Variants in NRXN3 observed in about 807,000 individuals in gnomAD.
NRXN3 encodes the protein neurexin III.
A neutral mutation model predicts 137.6 loss-of-function variants in NRXN3; 32 were observed. The ratio of observed to expected loss-of-function variants is 0.23; its 90% CI spans 0.18 to 0.31. NRXN3 has a LOEUF of 0.31. Among genes scored for constraint, NRXN3 ranks in the 10% least tolerant of loss-of-function variants. The pLI is 1.00. For synonymous variants in NRXN3, 798 were observed against 784.5 expected, an observed-to-expected ratio of 1.02 and a Z score of -0.29; for missense variants, 1,574 against 2,062.5, an observed-to-expected ratio of 0.76 and a Z score of 4.59.
chr14:79,822,669 A>G (rs553111466), intron 20 of NRXN3, among the ~76,000 whole-genome samples: 7 of 152,318 alleles, frequency 4.6e-5, no homozygotes, highest in African/African-American at 1.7e-4. Flanking sequence ...GTGAACTAAT[A>G]ATGATGATGT....
chr14:79,598,851 T>G (rs1011897951), intron 16 of NRXN3, among the ~76,000 whole-genome samples: 1 of 152,114 alleles, frequency 6.6e-6, no homozygotes, highest in East Asian at 1.9e-4. Flanking sequence ...TTTGACCAGA[T>G]TATCAAATGC....
chr14:79,560,423 G>A (rs1438515544), intron 16 of NRXN3, among the ~76,000 whole-genome samples: 1 of 151,574 alleles, frequency 6.6e-6, no homozygotes, highest in East Asian at 1.9e-4. Flanking sequence ...ACAGCACTGG[G>A]GGTGGGAGGA....
intron 4 of NRXN3, among the ~76,000 whole-genome samples, chr14:78,575,899 C>T (rs2152333745): frequency 6.6e-6 from 1 of 152,216 alleles, no homozygotes; most frequent in African/African-American, 2.4e-5. Context: ...TGACTTTGTA[C>T]CCCAATTAAC....
intron 15 of NRXN3, among the ~76,000 whole-genome samples, chr14:79,066,045 G>A (rs375881655): frequency 1.8e-4 from 27 of 152,194 alleles, no homozygotes; most frequent in Non-Finnish European, 2.5e-4. Context: ...TGCTTTTGGC[G>A]TTTTTGTCAT....
chr14:79,645,218 C>G (rs2098448132), intron 16 of NRXN3, among the ~76,000 whole-genome samples: 2 of 135,004 alleles, frequency 1.5e-5, no homozygotes, highest in Admixed American at 1.6e-4. Context: ...GTTGGATTTC[C>G]TGTATTCCAT....
chr14:79,719,327 GTATA>G (rs758232127), intron 19 of NRXN3, among the ~76,000 whole-genome samples: 2 of 127,546 alleles, frequency 1.6e-5, no homozygotes, highest in African/African-American at 5.4e-5. Flanking sequence ...ACACGCGTGT[GTATA>G]TATATGTATA....
chr14:78,417,270 T>C (rs2093192732), intron 4 of NRXN3, among the ~76,000 whole-genome samples: 1 of 152,190 alleles, frequency 6.6e-6, no homozygotes, highest in Admixed American at 6.5e-5. Context: ...GCTACCTACA[T>C]ACCGTGATTC....
chr14:79,263,134 A>G (rs1203097702), intron 15 of NRXN3, among the ~76,000 whole-genome samples: 1 of 152,216 alleles, frequency 6.6e-6, no homozygotes, highest in East Asian at 1.9e-4. Flanking sequence ...TAAGATTTAT[A>G]GCAACTTCAA....
chr14:78,384,991 C>T (rs901073942), intron 4 of NRXN3, among the ~76,000 whole-genome samples: 1 of 152,094 alleles, frequency 6.6e-6, no homozygotes, highest in Non-Finnish European at 1.5e-5. Context: ...GGAAATCAAA[C>T]ACTGCAGAAG....
chr14:79,002,902 A>G (rs2099544689), intron 15 of NRXN3, among the ~76,000 whole-genome samples: 1 of 152,138 alleles, frequency 6.6e-6, no homozygotes, highest in South Asian at 2.1e-4. Context: ...AAGTCCGTAT[A>G]ATTTAATTAG....
At chr14:78,466,047 G>A (rs2095097270) in intron 4 of NRXN3, among the ~76,000 whole-genome samples, 1 of 151,496 alleles carries the variant, frequency 6.6e-6, no homozygotes, top group African/African-American at 2.4e-5. Context: ...TAGAGACGGG[G>A]TTTCTCCGTG....
intron 10 of NRXN3, among the ~76,000 whole-genome samples, chr14:78,899,409 C>T (rs528425210): frequency 1.6e-4 from 24 of 152,070 alleles, no homozygotes; most frequent in African/African-American, 5.8e-4. Flanking sequence ...CTCACCTCTG[C>T]GTCCCATTAT....
chr14:79,277,284 G>T (rs2080436786), intron 15 of NRXN3, among the ~76,000 whole-genome samples: 2 of 152,128 alleles, frequency 1.3e-5, no homozygotes, highest in South Asian at 4.1e-4. Context: ...TAGAGAGTAG[G>T]GAGGAATGGG....
At chr14:79,682,666 TA>T (rs2098676493) in intron 17 of NRXN3, among the ~76,000 whole-genome samples, 1 of 152,156 alleles carries the variant, frequency 6.6e-6, no homozygotes, top group Admixed American at 6.5e-5. Flanking sequence ...GTTCTTTTTC[TA>T]ATGATGTTCT....
chr14:78,211,498 C>A (rs868649347), intron 1 of NRXN3, among the ~76,000 whole-genome samples: 2 of 152,238 alleles, frequency 1.3e-5, no homozygotes, highest in Non-Finnish European at 2.9e-5. Context: ...CCTGGGCCCT[C>A]TCAGGCAGCT....
At chr14:78,385,182 AT>A (rs1488675931) in intron 4 of NRXN3, among the ~76,000 whole-genome samples, 1 of 152,112 alleles carries the variant, frequency 6.6e-6, no homozygotes, top group East Asian at 1.9e-4. Context: ...AATAAAAAAA[AT>A]GAAAGGAAAT....
At chr14:79,846,876 T>C (rs533513988) in intron 20 of NRXN3, among the ~76,000 whole-genome samples, 1 of 152,342 alleles carries the variant, frequency 6.6e-6, no homozygotes, top group Admixed American at 6.5e-5. Context: ...AGCAAATGAA[T>C]TAATATAATT....
intron 10 of NRXN3, among the ~76,000 whole-genome samples, chr14:78,921,047 CG>C (rs1331049688): frequency 1.3e-5 from 2 of 152,170 alleles, no homozygotes; most frequent in African/African-American, 4.8e-5. Context: ...ATGTCAGGGA[CG>C]GGGACCTTCA....
chr14:78,845,888 C>T (rs955780145), intron 10 of NRXN3, among the ~76,000 whole-genome samples: 12 of 149,916 alleles, frequency 8.0e-5, no homozygotes, highest in Admixed American at 6.6e-4. Context: ...TATTTCAGGA[C>T]AGTATGAGTA....
Sources: allele counts gnomAD v4.1 joint callset (sites outside exome capture counted in the v4.1 genomes callset), GRCh38; gene constraint gnomAD v4.1.1; transcripts MANE v1.5; gene names NCBI Gene and HGNC (gene_info 2026-07-23, HGNC 2026-07-21).